Variants in ASIC2 observed in about 807,000 individuals in gnomAD.
The protein encoded by ASIC2 is acid sensing ion channel subunit 2, also known as acid-sensing ion channel 2.
In ASIC2, 25 loss-of-function variants were observed where a neutral mutation model predicts 57.3. That is an observed-to-expected ratio of 0.44 (90% CI 0.32 to 0.61). The LOEUF is 0.61. Among genes scored for constraint, ASIC2 ranks in the 20% least tolerant of loss-of-function variants. ASIC2 has a pLI of 0.06. For missense variants in ASIC2, 641 were observed against 738.1 expected (o/e 0.87, Z 1.52); for synonymous variants, 319 against 307.5 (o/e 1.04, Z -0.39).
intron 1 of ASIC2, among the ~76,000 whole-genome samples, chr17:33,427,458 C>G (rs1364724150): frequency 6.6e-6 from 1 of 152,144 alleles, no homozygotes; most frequent in Non-Finnish European, 1.5e-5. Context: ...TAAGTCTTGC[C>G]TGCTTCGGAA....
chr17:33,516,962 C>T (rs748987301), intron 1 of ASIC2, among the ~76,000 whole-genome samples: 2 of 152,178 alleles, frequency 1.3e-5, no homozygotes, highest in Admixed American at 6.5e-5. Context: ...CAGAATGTAT[C>T]GGTGCCGCAT....
chr17:33,882,692 A>T (rs1457219341), intron 1 of ASIC2, among the ~76,000 whole-genome samples: 1 of 152,152 alleles, frequency 6.6e-6, no homozygotes, highest in Admixed American at 6.5e-5. Flanking sequence ...ATTGTGGAAG[A>T]CAGTGTGGTG....
At chr17:33,599,499 G>A (rs1905071853) in intron 1 of ASIC2, among the ~76,000 whole-genome samples, 1 of 152,192 alleles carries the variant, frequency 6.6e-6, no homozygotes, top group African/African-American at 2.4e-5. Flanking sequence ...ACCAGGTCTG[G>A]GGCTCAGAAC....
At chr17:33,243,424 A>C (rs972124171) in intron 1 of ASIC2, among the ~76,000 whole-genome samples, 8 of 152,304 alleles carry the variant, frequency 5.3e-5, no homozygotes, top group African/African-American at 1.9e-4. Flanking sequence ...AGTTGGGGGC[A>C]CCATGGCTGC....
chr17:33,716,453 G>A (rs1023875105), intron 1 of ASIC2, among the ~76,000 whole-genome samples: 5 of 152,318 alleles, frequency 3.3e-5, no homozygotes, highest in Admixed American at 3.3e-4. Flanking sequence ...ACTTGATCCT[G>A]CACTCTGAGG....
At chr17:33,280,980 C>T (rs908667807) in intron 1 of ASIC2, among the ~76,000 whole-genome samples, 2 of 152,102 alleles carry the variant, frequency 1.3e-5, no homozygotes, top group African/African-American at 4.8e-5. Context: ...TCAGATATGC[C>T]ATCAGAATCA....
chr17:33,383,904 C>T (rs548276741), intron 1 of ASIC2, among the ~76,000 whole-genome samples: 4 of 152,208 alleles, frequency 2.6e-5, no homozygotes, highest in East Asian at 3.9e-4. Flanking sequence ...AAGGGGGTGG[C>T]GTGACTTAGC....
intron 1 of ASIC2, among the ~76,000 whole-genome samples, chr17:33,579,479 A>G (rs941948498): frequency 6.6e-6 from 1 of 152,064 alleles, no homozygotes; most frequent in Non-Finnish European, 1.5e-5. Context: ...ACATTCATTG[A>G]GAATCACGTG....
chr17:33,477,619 T>A (rs1304999276), intron 1 of ASIC2, among the ~76,000 whole-genome samples: 1 of 152,188 alleles, frequency 6.6e-6, no homozygotes, highest in Non-Finnish European at 1.5e-5. Flanking sequence ...TTTCACTAGA[T>A]CCTTACCATG....
intron 1 of ASIC2, among the ~76,000 whole-genome samples, chr17:33,746,247 C>A (rs551134889): frequency 6.6e-6 from 1 of 150,948 alleles, no homozygotes; most frequent in African/African-American, 2.4e-5. Flanking sequence ...GCTTTAAATA[C>A]ATATACACAT....
chr17:33,082,892 T>G (rs2092118888), intron 3 of ASIC2, among the ~76,000 whole-genome samples: 1 of 152,178 alleles, frequency 6.6e-6, no homozygotes. Context: ...CAGAATTCTG[T>G]GCTGGCTCTC....
chr17:33,317,821 C>T (rs912101024), intron 1 of ASIC2, among the ~76,000 whole-genome samples: 18 of 151,598 alleles, frequency 1.2e-4, no homozygotes, highest in East Asian at 3.9e-4. Flanking sequence ...GAGGACTTCA[C>T]GGAGGAGATG....
At chr17:33,339,546 C>T (rs1311424313) in intron 1 of ASIC2, among the ~76,000 whole-genome samples, 1 of 152,186 alleles carries the variant, frequency 6.6e-6, no homozygotes, top group African/African-American at 2.4e-5. Flanking sequence ...TTTAAAAAGT[C>T]ACTTTGGCAA....
intron 1 of ASIC2, among the ~76,000 whole-genome samples, chr17:33,914,373 G>A (rs1464352796): frequency 6.6e-6 from 1 of 152,182 alleles, no homozygotes; most frequent in Non-Finnish European, 1.5e-5. Context: ...CTGTGAGTCA[G>A]TTGGGGTGGA....
At chr17:33,814,655 T>C (rs1567723462) in intron 1 of ASIC2, among the ~76,000 whole-genome samples, 1 of 152,232 alleles carries the variant, frequency 6.6e-6, no homozygotes, top group African/African-American at 2.4e-5. Context: ...TAAGCCAAGA[T>C]GGATGGGAAC....
At chr17:33,884,180 G>A (rs562170086) in intron 1 of ASIC2, among the ~76,000 whole-genome samples, 1 of 152,332 alleles carries the variant, frequency 6.6e-6, no homozygotes, top group East Asian at 1.9e-4. Context: ...GCTGAAGATT[G>A]GTTGTGGCCA....
intron 1 of ASIC2, among the ~76,000 whole-genome samples, chr17:33,322,650 G>T (rs1232552182): frequency 2.0e-5 from 3 of 152,154 alleles, no homozygotes; most frequent in African/African-American, 7.2e-5. Context: ...AGATGGTTCA[G>T]ACCCAATACC....
chr17:33,918,826 T>A (rs1243444030), intron 1 of ASIC2, among the ~76,000 whole-genome samples: 1 of 152,220 alleles, frequency 6.6e-6, no homozygotes, highest in Admixed American at 6.5e-5. Context: ...CACAGGCATG[T>A]AAACTCTCAA....
chr17:33,161,771 G>T (rs1001323991), intron 1 of ASIC2, among the ~76,000 whole-genome samples: 20 of 151,580 alleles, frequency 1.3e-4, no homozygotes, highest in African/African-American at 4.6e-4. Flanking sequence ...ATCCCAGGAG[G>T]TGGTATAATG....
Sources: gnomAD v4.1 joint callset for allele counts (sites outside exome capture counted in the v4.1 genomes callset) on GRCh38, gnomAD v4.1.1 for gene constraint, MANE v1.5 for transcripts, NCBI Gene and HGNC (gene_info 2026-07-23, HGNC 2026-07-21) for gene names.